The following ASIC2 variants were observed in gnomAD, a reference collection of about 807,000 sequenced individuals.
The protein encoded by ASIC2 is acid-sensing ion channel 2.
Under a neutral mutation model 57.3 loss-of-function variants are expected in ASIC2, and 25 were observed. The ratio of observed to expected loss-of-function variants is 0.44; its 90% CI spans 0.32 to 0.61. ASIC2 has a LOEUF of 0.61. ASIC2 is among the 20% of genes least tolerant of loss of function. ASIC2 has a pLI of 0.06. For missense variants in ASIC2, 641 were observed against 738.1 expected (o/e 0.87, Z 1.52); for synonymous variants, 319 against 307.5 (o/e 1.04, Z -0.39).
chr17:33,683,715 T>A (rs1419757179), intron 1 of ASIC2, among the ~76,000 whole-genome samples: 6 of 152,186 alleles, frequency 3.9e-5, no homozygotes, highest in Non-Finnish European at 2.9e-5. Flanking sequence ...GTAATTTTTT[T>A]GTTTTTTACA....
chr17:33,562,654 C>T (rs1034474144), intron 1 of ASIC2, among the ~76,000 whole-genome samples: 3 of 152,174 alleles, frequency 2.0e-5, no homozygotes, highest in African/African-American at 7.2e-5. Context: ...AAAGGAGCGT[C>T]TCAGACCAGA....
intron 5 of ASIC2, among the ~76,000 whole-genome samples, chr17:33,024,645 C>T (rs561930667): frequency 6.6e-6 from 1 of 152,226 alleles, no homozygotes; most frequent in Admixed American, 6.5e-5. Flanking sequence ...TCAACTAGGC[C>T]TTGACCTTGG....
At chr17:33,448,021 AC>A (rs1271419823) in intron 1 of ASIC2, among the ~76,000 whole-genome samples, 6 of 150,688 alleles carry the variant, frequency 4.0e-5, no homozygotes, top group African/African-American at 1.5e-4. Flanking sequence ...TATCACATGT[AC>A]CCTGAAAGCA....
Position 33,478,885 on chromosome 17 carries a change from A to G in ASIC2, c.556-366818T>C, listed in dbSNP as rs552048050. 3.9e-5 allele frequency among the ~76,000 whole-genome samples: 6 copies of G among 152,350 alleles called. No individual in the cohort carries two copies. The East Asian group carries it at 7.7e-4, about 20-fold the overall frequency. ...TTTTGAAAGTTATTCTCGAACCACT[A>G]ATGAAAATGGACTTCATTAGAAGAA... On this transcript the variant is annotated intron_variant, in intron 1 of 9. Transcript: ENST00000359872.
intron 1 of ASIC2, among the ~76,000 whole-genome samples, chr17:33,429,546 A>G (rs1374328430): frequency 6.6e-6 from 1 of 151,992 alleles, no homozygotes; most frequent in Non-Finnish European, 1.5e-5. Context: ...GCCTGCCACC[A>G]TGCCCAGCTA....
chr17:33,580,282 C>CCAT (rs1451206188), intron 1 of ASIC2: 1 of 152,182 alleles, frequency 6.6e-6, no homozygotes, highest in Non-Finnish European at 1.5e-5. Context: ...AGGTAAGACT[C>CCAT]AAAGTCAGGA....
chr17:33,788,683 C>T (rs1372038240), intron 1 of ASIC2, among the ~76,000 whole-genome samples: 1 of 152,096 alleles, frequency 6.6e-6, no homozygotes, highest in East Asian at 1.9e-4. Context: ...TGGATAAAGA[C>T]AATGTGGTAC....
intron 1 of ASIC2, among the ~76,000 whole-genome samples, chr17:33,127,741 G>T (rs1487417032): frequency 2.0e-5 from 3 of 152,078 alleles, no homozygotes; most frequent in Non-Finnish European, 4.4e-5. Context: ...CTCTTACCTG[G>T]TTAACTGCCA....
At position 33,028,384 on chromosome 17, in the gene ASIC2, G is replaced by A. The variant is rs1222187719; in HGVS notation, c.996C>T (p.Tyr332=). 6.2e-7 allele frequency: 1 copy of A among 1,613,966 alleles called. No individual in the cohort carries two copies. The highest frequency in any genetic ancestry group is 1.3e-5 in the African/African-American group (1 of 74,914). ...FVATQEQRLT[Y]LPPPWGECRS... is the part of the protein sequence containing the mutation. The stretch of plus-strand genomic sequence containing the variant: ...GGCACTCACCCCACGGTGGGGGCAG[G>A]TATGTGAGCTGCAAGACAGGAAGGA... The change falls in exon 4 of 10, where the codon TAC becomes TAT. Residue 332 remains tyrosine (Y), a synonymous_variant. Coordinates refer to ENST00000225823, the MANE Select transcript of ASIC2 (RefSeq NM_183377.2).
At chr17:33,288,401 C>T (rs1044094245) in intron 1 of ASIC2, among the ~76,000 whole-genome samples, 7 of 152,112 alleles carry the variant, frequency 4.6e-5, no homozygotes, top group Non-Finnish European at 8.8e-5. Flanking sequence ...AGGGATTCAG[C>T]TGTTGGGAGC....
intron 1 of ASIC2, among the ~76,000 whole-genome samples, chr17:34,140,716 T>C (rs1912249984): frequency 2.6e-5 from 4 of 152,068 alleles, no homozygotes; most frequent in Admixed American, 1.3e-4. Flanking sequence ...CTGTAACCTA[T>C]TGAATAAAAT....
chr17:33,469,218 G>T (rs2141918106), intron 1 of ASIC2, among the ~76,000 whole-genome samples: 1 of 152,332 alleles, frequency 6.6e-6, no homozygotes, highest in Non-Finnish European at 1.5e-5. Flanking sequence ...GCAGTGCAAG[G>T]AGCAGCGTCG....
chr17:33,178,772 T>C (rs1456804271), intron 1 of ASIC2, among the ~76,000 whole-genome samples: 8 of 152,204 alleles, frequency 5.3e-5, no homozygotes, highest in Admixed American at 5.2e-4. Flanking sequence ...GAGGGCCCCA[T>C]GCAGGCAGGG....
chr17:33,217,751 C>A (rs930659463), intron 1 of ASIC2, among the ~76,000 whole-genome samples: 3 of 152,222 alleles, frequency 2.0e-5, no homozygotes, highest in Non-Finnish European at 2.9e-5. Context: ...GAGATAACAG[C>A]ATCACCTTGT....
chr17:33,226,943 T>C (rs1907903420), intron 1 of ASIC2, among the ~76,000 whole-genome samples: 1 of 152,228 alleles, frequency 6.6e-6, no homozygotes, highest in Non-Finnish European at 1.5e-5. Flanking sequence ...CTTCGACATG[T>C]AATCAATATA....
chr17:33,173,303 C>T (rs1019791817), intron 1 of ASIC2, among the ~76,000 whole-genome samples: 14 of 152,124 alleles, frequency 9.2e-5, no homozygotes, highest in African/African-American at 3.1e-4. Flanking sequence ...GGGGTGGCAG[C>T]CTGAATGTGT....
intron 1 of ASIC2, among the ~76,000 whole-genome samples, chr17:33,197,815 A>C (rs1906695683): frequency 6.6e-6 from 1 of 152,190 alleles, no homozygotes; most frequent in East Asian, 1.9e-4. Flanking sequence ...TCTGAATTCA[A>C]ACCGGGCTTT....
intron 3 of ASIC2, among the ~76,000 whole-genome samples, chr17:33,035,490 A>G (rs2091905522): frequency 6.6e-6 from 1 of 152,226 alleles, no homozygotes; most frequent in Non-Finnish European, 1.5e-5. Context: ...AGGTGGTTAA[A>G]TTAATGGTGA....
At chr17:33,222,212 A>G (rs975291222) in intron 1 of ASIC2, among the ~76,000 whole-genome samples, 2 of 152,260 alleles carry the variant, frequency 1.3e-5, no homozygotes, top group Non-Finnish European at 2.9e-5. Flanking sequence ...AGTTAAATAA[A>G]ATGTAATATA....
Sources: allele counts gnomAD v4.1 joint callset (sites outside exome capture counted in the v4.1 genomes callset), GRCh38; gene constraint gnomAD v4.1.1; transcripts MANE v1.5; gene names NCBI Gene and HGNC (gene_info 2026-07-23, HGNC 2026-07-21).